BCAS1: variants seen among roughly 807,000 people sequenced by gnomAD.
The protein encoded by BCAS1 is brain enriched myelin associated protein 1, also known as breast carcinoma-amplified sequence 1.
BCAS1 carries 46 observed loss-of-function variants against 65.4 expected under a neutral mutation model. That is an observed-to-expected ratio of 0.70 (90% CI 0.55 to 0.90). The LOEUF (loss-of-function observed/expected upper bound fraction) is 0.90. BCAS1 is among the 40% of genes least tolerant of loss of function. The pLI is 0.00. For synonymous variants in BCAS1, 298 were observed against 293.5 expected (o/e 1.02, Z -0.16); for missense variants, 793 against 771.2 (o/e 1.03, Z -0.33).
At chr20:53,979,704 A>C (rs149113695) in intron 8 of BCAS1, among the ~76,000 whole-genome samples, 11 of 152,198 alleles carry the variant, frequency 7.2e-5, no homozygotes, top group African/African-American at 2.4e-4. Flanking sequence ...ATGATCACCT[A>C]TCTTGGATTC....
In BCAS1 at chr20:54,052,106, T is replaced by C. The variant is rs146095743; in HGVS notation, c.142+5979A>G. ...ATTTACAAAAATCAGATTTATCTGATTGAAGTATAATTCACATACAATAAA... is the reference window on the plus strand; with the variant it reads ...ATTTACAAAAATCAGATTTATCTGACTGAAGTATAATTCACATACAATAAA... On this transcript the variant is annotated intron_variant, in intron 3 of 12. Transcript: ENST00000688948. Among the ~76,000 whole-genome samples the C allele has an allele frequency of 3.2e-3, 486 of 152,328 alleles. 3 individuals are homozygous for C. The highest frequency in any genetic ancestry group is 0.011 in the African/African-American group (475 of 41,580).
chr20:53,951,411 C>A (rs566791723), intron 12 of BCAS1, among the ~76,000 whole-genome samples: 1 of 152,164 alleles, frequency 6.6e-6, no homozygotes, highest in East Asian at 1.9e-4. Context: ...GCGGAGGTTG[C>A]GGTGAGCCGA....
intron 8 of BCAS1, among the ~76,000 whole-genome samples, chr20:53,975,934 A>G (rs1291231623): frequency 6.6e-6 from 1 of 152,216 alleles, no homozygotes; most frequent in African/African-American, 2.4e-5. Flanking sequence ...TACCCTGACC[A>G]TAGCACAGGG....
At chr20:54,054,162 G>A (rs1474016396) in intron 3 of BCAS1, among the ~76,000 whole-genome samples, 1 of 152,160 alleles carries the variant, frequency 6.6e-6, no homozygotes, top group East Asian at 1.9e-4. Context: ...ATGCCCCTAT[G>A]ATTCAATTAC....
intron 4 of BCAS1, among the ~76,000 whole-genome samples, chr20:53,998,255 C>T (rs2090969460): frequency 6.6e-6 from 1 of 152,186 alleles, no homozygotes; most frequent in Non-Finnish European, 1.5e-5. Flanking sequence ...CAATTCAACT[C>T]ATTTTAATGG....
Position 53,974,298 on chromosome 20 carries a change from T to C in BCAS1, c.1317+1091A>G, listed in dbSNP as rs577047832. Among the ~76,000 whole-genome samples the C allele has an allele frequency of 3.3e-5, 5 of 152,290 alleles. No individual in the cohort carries two copies. The East Asian group carries it at 9.6e-4, about 29-fold the overall frequency. Reference sequence around the variant, plus strand: ...TCTTCACAATAAATCTTGCTGCTGCTCACTCTTTGGGTCTGTGCCACCTTT... The same window carrying C: ...TCTTCACAATAAATCTTGCTGCTGCCCACTCTTTGGGTCTGTGCCACCTTT... On this transcript the variant is annotated intron_variant, in intron 9 of 12. Coordinates refer to ENST00000688948, the MANE Select transcript of BCAS1 (RefSeq NM_001366298.2).
intron 10 of BCAS1, among the ~76,000 whole-genome samples, chr20:53,961,829 C>T (rs382133): frequency 2.6e-5 from 4 of 152,040 alleles, no homozygotes; most frequent in African/African-American, 4.8e-5. Context: ...TACCAGCTCC[C>T]GGACCGTGGA....
At position 53,957,505 on chromosome 20, in the gene BCAS1, A is replaced by T; in HGVS notation, c.1486-8T>A. 6.2e-7 allele frequency: 1 copy of T among 1,613,398 alleles called. No homozygotes were observed. Among genetic ancestry groups the T allele is most frequent in the Non-Finnish European group, 8.5e-7 (1 of 1,179,304 alleles). On this transcript the variant is annotated splice_region_variant and splice_polypyrimidine_tract_variant and intron_variant, in intron 10 of 12. Transcript: ENST00000688948. The stretch of plus-strand genomic sequence containing the variant: ...TCCATCCCCTTTCACTGACTAAAAT[A>T]ACAAACAGACAATGGCCTTCAGCCA...
intron 4 of BCAS1, among the ~76,000 whole-genome samples, chr20:54,007,469 A>T (rs2091224628): frequency 6.6e-6 from 1 of 152,352 alleles, no homozygotes; most frequent in African/African-American, 2.4e-5. Flanking sequence ...GACACAGTTC[A>T]AAAGAACTCC....
intron 4 of BCAS1, among the ~76,000 whole-genome samples, chr20:54,007,033 A>G (rs962438965): frequency 5.9e-5 from 9 of 152,160 alleles, no homozygotes; most frequent in African/African-American, 1.7e-4. Flanking sequence ...CTTAGACAGT[A>G]GGCAAGGTTC....
At chr20:54,047,436 T>C (rs575825432) in intron 3 of BCAS1, among the ~76,000 whole-genome samples, 3 of 152,278 alleles carry the variant, frequency 2.0e-5, no homozygotes, top group African/African-American at 4.8e-5. Flanking sequence ...AATAATGCAA[T>C]AGGGAAGATA....
intron 1 of BCAS1, among the ~76,000 whole-genome samples, chr20:54,070,077 C>T (rs1179763674): frequency 6.6e-6 from 1 of 152,166 alleles, no homozygotes; most frequent in Non-Finnish European, 1.5e-5. Context: ...CTTGCCCTGA[C>T]GGATCCCCAA....
At chr20:53,973,692 T>G (rs183504878) in intron 9 of BCAS1, among the ~76,000 whole-genome samples, 1 of 152,264 alleles carries the variant, frequency 6.6e-6, no homozygotes, top group South Asian at 2.1e-4. Flanking sequence ...TCCTTGTAGG[T>G]TGCGGGAATA....
chr20:54,043,297 T>TTGATGATGA (rs3831640), intron 3 of BCAS1, among the ~76,000 whole-genome samples: 5 of 149,870 alleles, frequency 3.3e-5, no homozygotes, highest in African/African-American at 7.4e-5. Flanking sequence ...CTATGATAAC[T>TTGATGATGA]TGATGATGAT....
chr20:54,009,632 T>C (rs969444008), intron 4 of BCAS1, among the ~76,000 whole-genome samples: 1 of 152,196 alleles, frequency 6.6e-6, no homozygotes, highest in Non-Finnish European at 1.5e-5. Flanking sequence ...TGGAGAATTC[T>C]ATGAAATGTT....
At chr20:54,068,633 G>C (rs564481813) in intron 1 of BCAS1, 2 of 152,106 alleles carry the variant, frequency 1.3e-5, no homozygotes, top group Non-Finnish European at 2.9e-5. Flanking sequence ...CTCATCTCAC[G>C]AACGTCACCT....
chr20:53,947,698 C>T (rs1380578721), intron 12 of BCAS1, among the ~76,000 whole-genome samples: 2 of 152,118 alleles, frequency 1.3e-5, no homozygotes, highest in East Asian at 1.9e-4. Flanking sequence ...CTTCTGTCCC[C>T]GATCTCTGAA....
rs1424648609 is a variant in BCAS1 at position 53,966,987 on chromosome 20, A to G, written c.1404T>C (p.Ala468=). The change falls in exon 10 of 13, where the codon GCT becomes GCC. Residue 468 remains alanine (A), a synonymous_variant. Coordinates refer to ENST00000688948, the MANE Select transcript of BCAS1 (RefSeq NM_001366298.2). The part of the protein sequence containing the change: ...LQTVDLNEGD[A]APEPTEAKLK... ...GTTTCGCTTCTGTGGGTTCAGGTGC[A>G]GCATCTCCTTCGTTGAGGTCCACTG... 2 of 1,613,398 alleles carry G rather than the reference A, an allele frequency of 1.2e-6. No homozygotes were observed. The highest frequency in any genetic ancestry group is 1.7e-5 in the Admixed American group (1 of 59,910).
At chr20:54,058,601 T>C in intron 2 of BCAS1, 46 bp downstream of exon 2, 1 of 1,461,920 alleles carries the variant, frequency 6.8e-7, no homozygotes, top group Middle Eastern at 2.2e-4. Flanking sequence ...TTCTTTTTTT[T>C]TTTTTTTTTT....
Sources: allele counts gnomAD v4.1 joint callset (sites outside exome capture counted in the v4.1 genomes callset), GRCh38; gene constraint gnomAD v4.1.1; transcripts MANE v1.5; gene names NCBI Gene and HGNC (gene_info 2026-07-23, HGNC 2026-07-21).